The following LCN1 variants were observed in gnomAD, a reference collection of about 807,000 sequenced individuals.
The protein encoded by LCN1 is lipocalin 1.
In LCN1, 25 loss-of-function variants were observed where a neutral mutation model predicts 22.3. The observed-to-expected ratio is 1.12, with a 90% CI of 0.82 to 1.56. The LOEUF (loss-of-function observed/expected upper bound fraction) is 1.56. Among genes scored for constraint, LCN1 ranks in the 40% most tolerant of loss-of-function variants. The pLI is 0.00. For missense variants in LCN1, 219 were observed against 235.6 expected (o/e 0.93, Z 0.46); for synonymous variants, 85 against 97.6 (o/e 0.87, Z 0.76).
intron 2 of LCN1, among the ~76,000 whole-genome samples, chr9:135,522,564 A>T (rs1458016785): frequency 1.3e-5 from 2 of 152,230 alleles, no homozygotes; most frequent in Non-Finnish European, 2.9e-5. Context: ...AATGACCAAG[A>T]GGGGGCATAG....
rs374951723 is a variant in LCN1 at position 135,522,160 on chromosome 9, A to G, written c.204A>G (p.Glu68=). The part of the protein sequence containing the change: ...TLTTLEGGNL[E]AKVTMLISGR... ...CGACCCTGGAAGGGGGCAACCTGGA[A>G]GCCAAGGTCACCATGCTGTGAGTGT... Residue 68 remains glutamate (E), a synonymous_variant, in exon 2 of 7, where the codon GAA becomes GAG. Transcript: ENST00000371781. 1.8e-5 allele frequency: 29 copies of G among 1,605,628 alleles called. No individual in the cohort carries two copies. The African/African-American group carries it at 3.7e-4, about 21-fold the overall frequency.
At chr9:135,521,633 G>A (rs769628368) in intron 1 of LCN1, 46 bp downstream of exon 1, 4 of 1,494,818 alleles carry the variant, frequency 2.7e-6, no homozygotes, top group Admixed American at 1.9e-5. Flanking sequence ...CAAGGGGCGA[G>A]GCTGAGACTG....
intron 3 of LCN1, among the ~76,000 whole-genome samples, chr9:135,523,591 G>A (rs888242606): frequency 1.3e-5 from 2 of 152,172 alleles, no homozygotes; most frequent in African/African-American, 2.4e-5. Context: ...ATTTGGCTGC[G>A]GGGGGCTGTA....
Position 135,521,507 on chromosome 9 carries a change from C to T in LCN1, c.10C>T (p.Leu4=). The change falls in exon 1 of 7, where the codon CTG becomes TTG. Residue 4 remains leucine (L), a synonymous_variant. Coordinates refer to ENST00000371781, the MANE Select transcript of LCN1 (RefSeq NM_002297.4). ...GACTCAGACTCCGGAGATGAAGCCC[C>T]TGCTCCTGGCCGTCAGCCTTGGCCT... MKP[L]LLAVSLGLIA... 1 of 1,612,506 alleles carries T rather than the reference C, an allele frequency of 6.2e-7. No homozygotes were observed.
chr9:135,524,255 G>A (rs1189939508), intron 4 of LCN1, among the ~76,000 whole-genome samples: 5 of 152,222 alleles, frequency 3.3e-5, no homozygotes. Context: ...ACATGTCCCA[G>A]AGTGGGCCAG....
Position 135,521,887 on chromosome 9 carries a change from G to A in LCN1, c.91-160G>A, listed in dbSNP as rs554955123. Among the ~76,000 whole-genome samples the A allele has an allele frequency of 2.0e-5, 3 of 152,208 alleles. No homozygotes were observed. The East Asian group carries it at 5.8e-4, about 30-fold the overall frequency. Reference sequence around the variant, plus strand: ...TGGGGGCTGGAGCCACCTTCAAGTGGGCCTGGCGAGGGTGCTGGGTGTTTT... The same window carrying A: ...TGGGGGCTGGAGCCACCTTCAAGTGAGCCTGGCGAGGGTGCTGGGTGTTTT... On this transcript the variant is annotated intron_variant, in intron 1 of 6. Coordinates refer to ENST00000371781, the MANE Select transcript of LCN1 (RefSeq NM_002297.4).
rs113519500 is a variant in LCN1 at position 135,523,813 on chromosome 9, G to A, written c.293-67G>A. ...GGGCTTGCTGGGCCTGGCAACGCAC[G>A]CTGTCCCGGGATCCTCTCTGAAGTC... On this transcript the variant is annotated intron_variant, in intron 3 of 6. Coordinates refer to ENST00000371781, the MANE Select transcript of LCN1 (RefSeq NM_002297.4). 5,398 of 1,367,098 alleles carry A rather than the reference G, an allele frequency of 3.9e-3. 185 individuals are homozygous for A. In the African/African-American group the frequency reaches 0.068, roughly 17 times the overall value. 84.7% of individuals were successfully genotyped at this position (1,367,098 alleles called of 1,614,324 possible). A position where few individuals can be genotyped will look rare whatever the true frequency, so the allele number is the denominator to read the frequency against.
chr9:135,522,750 G>A (rs1256557130), intron 2 of LCN1, among the ~76,000 whole-genome samples: 1 of 152,230 alleles, frequency 6.6e-6, no homozygotes, highest in Non-Finnish European at 1.5e-5. Context: ...GGTCCTGGGG[G>A]CTGAATCTCA....
At chr9:135,523,152 A>G in intron 2 of LCN1, 80 bp from the exon 3 acceptor site, 2 of 1,304,648 alleles carry the variant, frequency 1.5e-6, no homozygotes, top group Non-Finnish European at 2.1e-6. Context: ...CCACATTTGC[A>G]GGGCATTGCA....
chr9:135,522,474 G>T (rs925120605), intron 2 of LCN1, among the ~76,000 whole-genome samples: 1 of 152,232 alleles, frequency 6.6e-6, no homozygotes, highest in Non-Finnish European at 1.5e-5. Context: ...TTGGGAAAAG[G>T]TGTTTACCCC....
chr9:135,523,912 T>A lies in LCN1; in HGVS notation c.325T>A (p.Ser109Thr). 1 of 1,614,032 alleles carries A rather than the reference T, an allele frequency of 6.2e-7. No individual in the cohort carries two copies. The highest frequency in any genetic ancestry group is 1.3e-5 in the African/African-American group (1 of 75,012). ...GGKHVAYIIR[S>T]HVKDHYIFYC... The stretch of plus-strand genomic sequence containing the variant: ...CAAGCACGTGGCATACATCATCAGG[T>A]CGCACGTGAAGGACCACTACATCTT... The change falls in exon 4 of 7, where the codon TCG (serine) becomes ACG (threonine). Residue 109 changes from serine (S) to threonine (T), a missense_variant. Coordinates refer to ENST00000371781, the MANE Select transcript of LCN1 (RefSeq NM_002297.4).
At chr9:135,524,023 C>T (rs1017611718) in intron 4 of LCN1, 33 bp downstream of exon 4, 3 of 1,505,988 alleles carry the variant, frequency 2.0e-6, no homozygotes, top group Non-Finnish European at 2.8e-6. Flanking sequence ...GCAACCCATG[C>T]CTCCACCTGC....
intron 6 of LCN1, 101 bp downstream of exon 6, chr9:135,525,259 C>T: frequency 8.2e-7 from 1 of 1,213,494 alleles, no homozygotes; most frequent in Non-Finnish European, 1.2e-6. Flanking sequence ...CCACTCCTAC[C>T]TGGGTGGGAG....
At chr9:135,522,323 T>TGTGCCACTGAG in intron 2 of LCN1, 146 bp downstream of exon 2, 1 of 1,300,586 alleles carries the variant, frequency 7.7e-7, no homozygotes, top group East Asian at 2.6e-5. Flanking sequence ...GAGGGCAAAC[T>TGTGCCACTGAG]GTGCCACTGA....
intron 4 of LCN1, 49 bp downstream of exon 4, chr9:135,524,039 C>A: frequency 2.1e-6 from 3 of 1,417,626 alleles, no homozygotes; most frequent in Non-Finnish European, 3.0e-6. Flanking sequence ...CCTGCCCTCC[C>A]TCCTCCCTCG....
At chr9:135,525,051 T>G (rs1831597791) in intron 5 of LCN1, 81 bp from the exon 6 acceptor site, 3 of 1,569,542 alleles carry the variant, frequency 1.9e-6, no homozygotes, top group Non-Finnish European at 2.6e-6. Flanking sequence ...CCTGGGGTGG[T>G]GGAGCTGGTG....
At chr9:135,525,585 G>A (rs977627771) in intron 6 of LCN1, among the ~76,000 whole-genome samples, 2 of 152,100 alleles carry the variant, frequency 1.3e-5, no homozygotes, top group African/African-American at 4.8e-5. Flanking sequence ...TGGGCCCCTT[G>A]CTGGCTGCAC....
At chr9:135,523,355 C>T (rs56239374) in intron 3 of LCN1, 53 bp downstream of exon 3, 4 of 1,537,354 alleles carry the variant, frequency 2.6e-6, no homozygotes, top group East Asian at 2.3e-5. Flanking sequence ...GCTGGATGTG[C>T]GGGGGCAGCC....
At chr9:135,522,415 G>A (rs552242962) in intron 2 of LCN1, among the ~76,000 whole-genome samples, 114 of 152,342 alleles carry the variant, frequency 7.5e-4, no homozygotes, top group African/African-American at 2.6e-3. Flanking sequence ...CCTGGGTACC[G>A]CCCACTTCCT....
Sources: gnomAD v4.1 joint callset for allele counts (sites outside exome capture counted in the v4.1 genomes callset) on GRCh38, gnomAD v4.1.1 for gene constraint, MANE v1.5 for transcripts, NCBI Gene and HGNC (gene_info 2026-07-23, HGNC 2026-07-21) for gene names.